The following OR9Q1 variants were observed in gnomAD, a reference collection of about 807,000 sequenced individuals.
The protein encoded by OR9Q1 is olfactory receptor 9Q1.
For synonymous variants in OR9Q1, 153 were observed against 148.6 expected (o/e 1.03, Z -0.22); for missense variants, 374 against 378.8 (o/e 0.99, Z 0.11).
chr11:58,148,399 A>G (rs1854319675), intron 2 of OR9Q1, among the ~76,000 whole-genome samples: 1 of 152,206 alleles, frequency 6.6e-6, no homozygotes, highest in Non-Finnish European at 1.5e-5. Flanking sequence ...ACAACCACAC[A>G]CAATTTTTCT....
At chr11:58,164,540 T>A (rs1435428059) in intron 2 of OR9Q1, among the ~76,000 whole-genome samples, 1 of 152,088 alleles carries the variant, frequency 6.6e-6, no homozygotes, top group African/African-American at 2.4e-5. Flanking sequence ...GTGAGATGGG[T>A]TTCAGGTGAG....
intron 2 of OR9Q1, among the ~76,000 whole-genome samples, chr11:58,071,163 A>C (rs1419359433): frequency 6.6e-6 from 1 of 152,164 alleles, no homozygotes; most frequent in Non-Finnish European, 1.5e-5. Context: ...TGGGCTGCAT[A>C]TGTATTTCCT....
intron 2 of OR9Q1, among the ~76,000 whole-genome samples, chr11:58,056,625 C>T (rs942079157): frequency 2.0e-5 from 3 of 152,208 alleles, no homozygotes; most frequent in Non-Finnish European, 4.4e-5. Flanking sequence ...ATTTGCACTA[C>T]AACAGCAGAG....
chr11:58,033,576 G>A (rs976963459), intron 1 of OR9Q1, among the ~76,000 whole-genome samples: 14 of 152,126 alleles, frequency 9.2e-5, no homozygotes, highest in Non-Finnish European at 1.3e-4. Flanking sequence ...ACATAAAGAT[G>A]GGAATAAGAG....
At chr11:58,030,900 T>C in intron 1 of OR9Q1, 1 of 1,119,806 alleles carries the variant, frequency 8.9e-7, no homozygotes, top group South Asian at 1.4e-5. Flanking sequence ...AGGTTCTCTT[T>C]GAGCTCTCAT....
intron 2 of OR9Q1, among the ~76,000 whole-genome samples, chr11:58,095,439 C>T (rs1052630718): frequency 7.9e-5 from 12 of 152,204 alleles, no homozygotes; most frequent in African/African-American, 2.7e-4. Flanking sequence ...GTTCGTTCTC[C>T]TGTGGCTATG....
intron 1 of OR9Q1, chr11:58,030,906 C>G (rs369420801): frequency 4.6e-5 from 56 of 1,210,174 alleles, no homozygotes; most frequent in Admixed American, 9.3e-5. Context: ...TCTTTGAGCT[C>G]TCATTGTCTA....
chr11:58,070,313 G>C (rs138447160), intron 2 of OR9Q1, among the ~76,000 whole-genome samples: 1,573 of 151,982 alleles, frequency 0.01, 25 homozygotes, highest in African/African-American at 0.036. Flanking sequence ...ACCATGTCTG[G>C]CTCCAGTATC....
chr11:58,057,796 C>T (rs1045382663), intron 2 of OR9Q1: 1 of 152,118 alleles, frequency 6.6e-6, no homozygotes, highest in African/African-American at 2.4e-5. Context: ...TTGATGTCAT[C>T]ACCATTATTA....
chr11:58,157,425 C>T (rs902759862), intron 2 of OR9Q1, among the ~76,000 whole-genome samples: 1 of 152,092 alleles, frequency 6.6e-6, no homozygotes, highest in African/African-American at 2.4e-5. Flanking sequence ...TGTCTATTTC[C>T]CCAATCGGAT....
At chr11:58,157,573 G>A (rs1203260806) in intron 2 of OR9Q1, among the ~76,000 whole-genome samples, 3 of 152,118 alleles carry the variant, frequency 2.0e-5, no homozygotes, top group Admixed American at 6.5e-5. Context: ...AGGAAGGAAG[G>A]AAGGAAGGAT....
At chr11:58,165,008 TAGC>T (rs2119933457) in intron 2 of OR9Q1, among the ~76,000 whole-genome samples, 1 of 152,340 alleles carries the variant, frequency 6.6e-6, no homozygotes, top group Admixed American at 6.5e-5. Context: ...CTATTGAAAA[TAGC>T]AACCTCCTTA....
At chr11:58,099,896 G>A (rs56285907) in intron 2 of OR9Q1, among the ~76,000 whole-genome samples, 25,995 of 151,986 alleles carry the variant, frequency 0.17, 2,352 homozygotes, top group Non-Finnish European at 0.21. Context: ...TTTTAAAATA[G>A]CTGTGCTTAA....
chr11:58,047,870 G>C (rs1853234601), intron 1 of OR9Q1, among the ~76,000 whole-genome samples: 1 of 152,130 alleles, frequency 6.6e-6, no homozygotes, highest in East Asian at 1.9e-4. Flanking sequence ...GTGACAGAGA[G>C]AGACTCCGTC....
intron 1 of OR9Q1, among the ~76,000 whole-genome samples, chr11:58,050,328 A>AG (rs1853261936): frequency 6.9e-6 from 1 of 144,848 alleles, no homozygotes; most frequent in South Asian, 2.3e-4. Context: ...GACAAACCTG[A>AG]GAAAAACAAG....
At position 58,180,284 on chromosome 11, in the gene OR9Q1, C is replaced by T. The variant is rs867516203; in HGVS notation, c.840C>T (p.Val280=). 1.2e-5 allele frequency: 19 copies of T among 1,613,750 alleles called. No homozygotes were observed. The highest frequency in any genetic ancestry group is 1.6e-5 in the Non-Finnish European group (19 of 1,179,804). Residue 280 remains valine, a synonymous_variant, in exon 3 of 3, where the codon GTC becomes GTT. Coordinates refer to ENST00000335397, the MANE Select transcript of OR9Q1 (RefSeq NM_001005212.4). ...TAGTGTCTGTGCTTTACACAGAGGT[C>T]ATCCCCATGTTGAATCCCCTCATCT... ...NRVVSVLYTE[V]IPMLNPLIYS...
At chr11:58,107,873 A>G (rs1277333288) in intron 2 of OR9Q1, among the ~76,000 whole-genome samples, 1 of 152,196 alleles carries the variant, frequency 6.6e-6, no homozygotes, top group African/African-American at 2.4e-5. Flanking sequence ...TCTGATGTGG[A>G]CAATAATTAC....
intron 2 of OR9Q1, among the ~76,000 whole-genome samples, chr11:58,105,316 A>G (rs548083826): frequency 6.6e-6 from 1 of 152,332 alleles, no homozygotes; most frequent in Admixed American, 6.5e-5. Context: ...ATTCTGAAGC[A>G]GCAATTAATT....
chr11:58,056,464 C>A (rs1853329413), intron 2 of OR9Q1, among the ~76,000 whole-genome samples: 1 of 152,054 alleles, frequency 6.6e-6, no homozygotes, highest in Non-Finnish European at 1.5e-5. Context: ...TTAATAATGA[C>A]TTTTACATTT....
Sources: allele counts gnomAD v4.1 joint callset (sites outside exome capture counted in the v4.1 genomes callset), GRCh38; gene constraint gnomAD v4.1.1; transcripts MANE v1.5; gene names NCBI Gene and HGNC (gene_info 2026-07-23, HGNC 2026-07-21).